Variants in HTR1E observed in about 807,000 individuals in gnomAD.
HTR1E encodes 5-hydroxytryptamine receptor 1E, also known as 5-HT-1E.
HTR1E carries 3 observed loss-of-function variants against 3.4 expected under a neutral mutation model. That is an observed-to-expected ratio of 0.89 (90% CI 0.41 to 2.31). The LOEUF is 2.31. Ranked by LOEUF, HTR1E falls within the 30% of genes most tolerant of loss-of-function variation. HTR1E has a pLI of 0.05. For missense variants in HTR1E, 392 were observed against 467.0 expected (o/e 0.84, Z 1.48); for synonymous variants, 170 against 182.8 (o/e 0.93, Z 0.56).
intron 1 of HTR1E, among the ~76,000 whole-genome samples, chr6:86,951,946 T>C (rs1312513868): frequency 6.6e-6 from 1 of 152,164 alleles, no homozygotes; most frequent in Non-Finnish European, 1.5e-5. Context: ...TTTTATACTG[T>C]TGTTAAGAAA....
intron 1 of HTR1E, among the ~76,000 whole-genome samples, chr6:86,945,083 A>G (rs1280759378): frequency 2.0e-5 from 3 of 152,164 alleles, no homozygotes; most frequent in Non-Finnish European, 4.4e-5. Flanking sequence ...TTCAGAAGGT[A>G]TCCCAGAAAA....
intron 1 of HTR1E, among the ~76,000 whole-genome samples, chr6:86,995,072 A>T (rs1767916777): frequency 6.6e-6 from 1 of 152,142 alleles, no homozygotes; most frequent in South Asian, 2.1e-4. Context: ...ACAGAAAAAC[A>T]TAAACAGTGA....
intron 1 of HTR1E, among the ~76,000 whole-genome samples, chr6:87,010,106 G>T (rs1768187692): frequency 7.4e-6 from 1 of 135,802 alleles, no homozygotes; most frequent in Non-Finnish European, 1.6e-5. Context: ...GCCGGGCTGA[G>T]GGGCTCCTCA....
intron 1 of HTR1E, chr6:86,970,948 A>C (rs1246794971): frequency 3.0e-6 from 1 of 334,730 alleles, no homozygotes; most frequent in East Asian, 8.6e-5. Context: ...TCAATAAATT[A>C]ATCGCCTTGA....
intron 1 of HTR1E, among the ~76,000 whole-genome samples, chr6:87,010,492 C>A (rs1453886258): frequency 6.7e-6 from 1 of 148,374 alleles, no homozygotes; most frequent in African/African-American, 2.5e-5. Context: ...GGCAGAGGCG[C>A]TCCTCACATC....
chr6:87,004,294 A>C (rs1024085111), intron 1 of HTR1E, among the ~76,000 whole-genome samples: 6 of 152,180 alleles, frequency 3.9e-5, no homozygotes, highest in African/African-American at 1.4e-4. Context: ...AGATATCAAA[A>C]ATAGAAGACT....
At chr6:86,976,799 T>A (rs1200889757) in intron 1 of HTR1E, among the ~76,000 whole-genome samples, 1 of 152,204 alleles carries the variant, frequency 6.6e-6, no homozygotes, top group African/African-American at 2.4e-5. Flanking sequence ...GGTTATGAAA[T>A]CATTGCCTTT....
At chr6:87,009,834 T>C (rs1229476815) in intron 1 of HTR1E, among the ~76,000 whole-genome samples, 11 of 83,686 alleles carry the variant, frequency 1.3e-4, no homozygotes, top group East Asian at 4.6e-4. Context: ...GCGGGGGGAC[T>C]GACCCCCCCC....
chr6:86,974,605 G>A (rs534129990), intron 1 of HTR1E, among the ~76,000 whole-genome samples: 1 of 152,244 alleles, frequency 6.6e-6, no homozygotes, highest in African/African-American at 2.4e-5. Context: ...ATTGCAATTT[G>A]TTCTATTATT....
chr6:87,010,545 CG>C (rs1257390481), intron 1 of HTR1E, among the ~76,000 whole-genome samples: 1 of 134,852 alleles, frequency 7.4e-6, no homozygotes, highest in Non-Finnish European at 1.6e-5. Flanking sequence ...ACATCTCAGA[CG>C]ATGGGCGGCC....
At chr6:87,003,430 T>C (rs897486516) in intron 1 of HTR1E, among the ~76,000 whole-genome samples, 1 of 152,068 alleles carries the variant, frequency 6.6e-6, no homozygotes, top group Non-Finnish European at 1.5e-5. Flanking sequence ...CCCCAGCTAC[T>C]TGAGAGGCTA....
intron 1 of HTR1E, among the ~76,000 whole-genome samples, chr6:87,005,099 A>G (rs1768081875): frequency 1.3e-5 from 2 of 152,204 alleles, no homozygotes; most frequent in South Asian, 4.1e-4. Flanking sequence ...GGACACAAAA[A>G]AGTGAAAAGA....
At chr6:86,969,019 T>A (rs566958646) in intron 1 of HTR1E, among the ~76,000 whole-genome samples, 47 of 152,334 alleles carry the variant, frequency 3.1e-4, no homozygotes, top group Non-Finnish European at 5.7e-4. Flanking sequence ...GTCCCAACTC[T>A]ATTCATGAAT....
At chr6:86,998,377 A>C (rs1767973842) in intron 1 of HTR1E, among the ~76,000 whole-genome samples, 1 of 152,144 alleles carries the variant, frequency 6.6e-6, no homozygotes, top group South Asian at 2.1e-4. Flanking sequence ...ATCATGCAGA[A>C]TATATTCTAT....
intron 1 of HTR1E, among the ~76,000 whole-genome samples, chr6:86,963,863 A>G (rs943170617): frequency 3.9e-5 from 6 of 152,218 alleles, no homozygotes; most frequent in African/African-American, 1.4e-4. Flanking sequence ...TTCTTAGAAT[A>G]TGTCCCTGAT....
At chr6:86,966,173 G>C (rs943187936) in intron 1 of HTR1E, among the ~76,000 whole-genome samples, 11 of 151,986 alleles carry the variant, frequency 7.2e-5, no homozygotes, top group African/African-American at 2.7e-4. Flanking sequence ...ACAGGATCTG[G>C]GTGGGAAATA....
chr6:86,962,745 G>A (rs1040785677), intron 1 of HTR1E, among the ~76,000 whole-genome samples: 2 of 152,116 alleles, frequency 1.3e-5, no homozygotes, highest in Admixed American at 1.3e-4. Context: ...GGCTGAGGTG[G>A]GAGAATCACT....
In HTR1E at chr6:86,975,866, A is replaced by G. The variant is rs192562232; in HGVS notation, c.-186+38043A>G. On this transcript the variant is annotated intron_variant, in intron 1 of 1. Coordinates refer to ENST00000305344, the MANE Select transcript of HTR1E (RefSeq NM_000865.3). ...CATTGTTTAAGGGAAAAAGTGTATTAGTTTTTTTATTAAATCTCACCTTCT... is the reference window on the plus strand; with the variant it reads ...CATTGTTTAAGGGAAAAAGTGTATTGGTTTTTTTATTAAATCTCACCTTCT... Among the ~76,000 whole-genome samples the G allele has an allele frequency of 2.0e-5, 3 of 150,910 alleles. No homozygotes were observed. In the East Asian group the frequency reaches 5.9e-4, roughly 29 times the overall value.
intron 1 of HTR1E, among the ~76,000 whole-genome samples, chr6:86,984,753 T>G (rs549206096): frequency 6.6e-6 from 1 of 152,212 alleles, no homozygotes; most frequent in Admixed American, 6.5e-5. Context: ...CATAATCTTC[T>G]GCATTTTGCC....
Sources: gnomAD v4.1 joint callset for allele counts (sites outside exome capture counted in the v4.1 genomes callset) on GRCh38, gnomAD v4.1.1 for gene constraint, MANE v1.5 for transcripts, NCBI Gene and HGNC (gene_info 2026-07-23, HGNC 2026-07-21) for gene names.